SCFD2: variants seen among roughly 807,000 people sequenced by gnomAD.
SCFD2 encodes sec1 family domain containing 2, also known as sec1 family domain-containing protein 2.
SCFD2 carries 54 observed loss-of-function variants against 58.9 expected under a neutral mutation model. The observed-to-expected ratio is 0.92, with a 90% confidence interval of 0.74 to 1.15. The LOEUF (loss-of-function observed/expected upper bound fraction) is 1.15. SCFD2 is among the 50% of genes most tolerant of loss of function. The probability of loss-of-function intolerance (pLI) is 0.00; values close to 1 mark genes in which losing one functional copy is unlikely to be tolerated. For synonymous variants in SCFD2, 321 were observed against 335.9 expected (o/e 0.96, Z 0.49); for missense variants, 805 against 836.6 (o/e 0.96, Z 0.47).
intron 2 of SCFD2, among the ~76,000 whole-genome samples, chr4:53,321,227 A>T (rs1365195306): frequency 6.6e-6 from 1 of 152,108 alleles, no homozygotes; most frequent in East Asian, 1.9e-4. Flanking sequence ...CTGGCTCTTT[A>T]TTCACCAGAA....
chr4:53,221,078 A>G (rs1162494743), intron 4 of SCFD2, among the ~76,000 whole-genome samples: 1 of 152,210 alleles, frequency 6.6e-6, no homozygotes, highest in Non-Finnish European at 1.5e-5. Context: ...GGTCAAATCT[A>G]TATTTTAAGT....
Position 53,016,400 on chromosome 4 carries a change from T to C in SCFD2, c.1562-95530A>G, listed in dbSNP as rs1341462719. ...CTTTTTGATTAACACTCCTGGATTGTACAGGAGCAGAAAGCAAGCAAGTCA... is the reference window on the plus strand; with the variant it reads ...CTTTTTGATTAACACTCCTGGATTGCACAGGAGCAGAAAGCAAGCAAGTCA... On this transcript the variant is annotated intron_variant, in intron 5 of 8. Transcript: ENST00000401642. 5.3e-5 allele frequency among the ~76,000 whole-genome samples: 8 copies of C among 152,344 alleles called. No homozygotes were observed. The South Asian group carries it at 1.5e-3, about 28-fold the overall frequency.
chr4:53,145,731 G>C (rs77458055), intron 4 of SCFD2, 149 bp from the exon 5 acceptor site: 10,409 of 764,874 alleles, frequency 0.014, 138 homozygotes, highest in Middle Eastern at 0.04. Context: ...TTGTCCTGGA[G>C]AGAATACTAC....
intron 2 of SCFD2, among the ~76,000 whole-genome samples, chr4:53,318,611 A>AAC (rs1482760976): frequency 1.3e-5 from 2 of 152,102 alleles, no homozygotes; most frequent in Non-Finnish European, 2.9e-5. Flanking sequence ...ACTCTATTTA[A>AAC]ACCTAAACCC....
At chr4:52,952,509 A>T (rs1156480943) in intron 5 of SCFD2, among the ~76,000 whole-genome samples, 1 of 152,040 alleles carries the variant, frequency 6.6e-6, no homozygotes, top group Non-Finnish European at 1.5e-5. Context: ...GTTTAATTTT[A>T]CTCCAGAAAA....
At chr4:53,022,983 A>C (rs1367569555) in intron 5 of SCFD2, among the ~76,000 whole-genome samples, 1 of 152,180 alleles carries the variant, frequency 6.6e-6, no homozygotes, top group Non-Finnish European at 1.5e-5. Context: ...AGGCATTTTG[A>C]AAACTATCCA....
At chr4:53,309,027 G>A (rs570513550) in intron 3 of SCFD2, among the ~76,000 whole-genome samples, 1 of 152,102 alleles carries the variant, frequency 6.6e-6, no homozygotes, top group East Asian at 1.9e-4. Flanking sequence ...CAGCTACTCG[G>A]AAGGCTGAGG....
chr4:53,148,861 C>A (rs990870281), intron 4 of SCFD2, among the ~76,000 whole-genome samples: 5 of 152,148 alleles, frequency 3.3e-5, no homozygotes, highest in African/African-American at 1.2e-4. Context: ...AAACAAAAAA[C>A]TAGCTGAGCA....
At chr4:53,070,201 T>C (rs1317523226) in intron 5 of SCFD2, among the ~76,000 whole-genome samples, 1 of 152,088 alleles carries the variant, frequency 6.6e-6, no homozygotes, top group Non-Finnish European at 1.5e-5. Context: ...ACAGCTTGCT[T>C]TCTTAGAGTT....
At chr4:53,113,506 G>A (rs1725230585) in intron 5 of SCFD2, among the ~76,000 whole-genome samples, 1 of 152,122 alleles carries the variant, frequency 6.6e-6, no homozygotes, top group African/African-American at 2.4e-5. Flanking sequence ...CCACTGAAAT[G>A]TTAAGGCTGT....
chr4:53,020,224 T>G (rs1335279122), intron 5 of SCFD2, among the ~76,000 whole-genome samples: 1 of 152,260 alleles, frequency 6.6e-6, no homozygotes, highest in Non-Finnish European at 1.5e-5. Flanking sequence ...AGTACTGTAC[T>G]TGCTAATGTT....
At chr4:53,230,254 T>C (rs548209789) in intron 4 of SCFD2, among the ~76,000 whole-genome samples, 44 of 152,266 alleles carry the variant, frequency 2.9e-4, no homozygotes, top group Middle Eastern at 3.4e-3. Flanking sequence ...CCATTTGACC[T>C]AGCCATCCCA....
intron 5 of SCFD2, among the ~76,000 whole-genome samples, chr4:53,098,836 C>T (rs1215425948): frequency 2.6e-5 from 4 of 152,022 alleles, no homozygotes; most frequent in Admixed American, 6.6e-5. Context: ...CTTCCTTAAC[C>T]ACTATATGAT....
chr4:53,158,731 T>C (rs1030526347), intron 4 of SCFD2, among the ~76,000 whole-genome samples: 13 of 152,220 alleles, frequency 8.5e-5, no homozygotes, highest in African/African-American at 3.1e-4. Flanking sequence ...ACATTACATA[T>C]GCATCCCATT....
At chr4:52,914,594 T>C (rs1719560341) in intron 6 of SCFD2, among the ~76,000 whole-genome samples, 1 of 152,106 alleles carries the variant, frequency 6.6e-6, no homozygotes, top group South Asian at 2.1e-4. Context: ...TTGTGTCAAG[T>C]GGGAGCCATG....
intron 2 of SCFD2, among the ~76,000 whole-genome samples, chr4:53,328,152 AAAC>A (rs1733274636): frequency 6.6e-6 from 1 of 151,998 alleles, no homozygotes; most frequent in Admixed American, 6.6e-5. Flanking sequence ...AACAAAAAAA[AAAC>A]AAAGAATGAT....
chr4:53,248,657 G>A (rs1376492373), intron 4 of SCFD2, among the ~76,000 whole-genome samples: 23 of 152,148 alleles, frequency 1.5e-4, no homozygotes, highest in Admixed American at 1.5e-3. Flanking sequence ...CCCCCAGTAG[G>A]GGCAGACTGA....
At chr4:53,096,731 T>A (rs1233360998) in intron 5 of SCFD2, among the ~76,000 whole-genome samples, 1 of 152,246 alleles carries the variant, frequency 6.6e-6, no homozygotes, top group Non-Finnish European at 1.5e-5. Context: ...AGATCCCATT[T>A]GTCAATTTTG....
At chr4:53,267,405 A>G (rs764010270) in intron 4 of SCFD2, among the ~76,000 whole-genome samples, 2 of 152,248 alleles carry the variant, frequency 1.3e-5, no homozygotes, top group Non-Finnish European at 2.9e-5. Flanking sequence ...AAGCATGTCC[A>G]TAAACAAAGA....
Sources: allele counts gnomAD v4.1 joint callset (sites outside exome capture counted in the v4.1 genomes callset), GRCh38; gene constraint gnomAD v4.1.1; transcripts MANE v1.5; gene names NCBI Gene and HGNC (gene_info 2026-07-23, HGNC 2026-07-21).